B3GALT1: variants seen among roughly 807,000 people sequenced by gnomAD.
B3GALT1 encodes UDP-Gal:betaGlcNAc beta 1,3-galactosyltransferase, polypeptide 1.
B3GALT1 carries 10 observed loss-of-function variants against 23.2 expected under a neutral mutation model. That is an observed-to-expected ratio of 0.43 (90% CI 0.27 to 0.73). B3GALT1 has a LOEUF of 0.73. Ranked by LOEUF, B3GALT1 falls within the 30% of genes least tolerant of loss-of-function variation. B3GALT1 has a pLI of 0.21. For synonymous variants in B3GALT1, 156 were observed against 141.5 expected, an observed-to-expected ratio of 1.10 and a Z score of -0.73; for missense variants, 299 against 405.4, an observed-to-expected ratio of 0.74 and a Z score of 2.25.
intron 2 of B3GALT1, among the ~76,000 whole-genome samples, chr2:167,505,332 G>A (rs1559116379): frequency 6.6e-6 from 1 of 152,074 alleles, no homozygotes; most frequent in Non-Finnish European, 1.5e-5. Flanking sequence ...AAAAGGGGAG[G>A]AACAAAAGAA....
chr2:167,642,715 A>G (rs1471971415), intron 2 of B3GALT1, among the ~76,000 whole-genome samples: 1 of 152,042 alleles, frequency 6.6e-6, no homozygotes, highest in African/African-American at 2.4e-5. Context: ...TTCTTCTCAT[A>G]TATTATATAT....
At chr2:167,563,794 TC>T (rs1684079055) in intron 2 of B3GALT1, among the ~76,000 whole-genome samples, 3 of 95,748 alleles carry the variant, frequency 3.1e-5, no homozygotes, top group Admixed American at 9.6e-5. Flanking sequence ...CCCCCCCACC[TC>T]CCCCCCGGAG....
At chr2:167,663,404 A>G (rs970889024) in intron 3 of B3GALT1, among the ~76,000 whole-genome samples, 1 of 151,854 alleles carries the variant, frequency 6.6e-6, no homozygotes, top group African/African-American at 2.4e-5. Context: ...TATTGTGAAT[A>G]ATGCCGCAAT....
intron 2 of B3GALT1, among the ~76,000 whole-genome samples, chr2:167,624,949 C>T (rs2105442302): frequency 6.6e-6 from 1 of 152,042 alleles, no homozygotes; most frequent in African/African-American, 2.4e-5. Flanking sequence ...AGTGATTTTT[C>T]TATCAGCCTA....
At chr2:167,724,387 A>G (rs1434342136) in intron 3 of B3GALT1, among the ~76,000 whole-genome samples, 1 of 152,204 alleles carries the variant, frequency 6.6e-6, no homozygotes, top group African/African-American at 2.4e-5. Flanking sequence ...CTTAACATCT[A>G]CAAACTCGGA....
chr2:167,793,242 C>T (rs564359993), intron 3 of B3GALT1, among the ~76,000 whole-genome samples: 4 of 152,186 alleles, frequency 2.6e-5, no homozygotes, highest in African/African-American at 7.2e-5. Context: ...AAGGGAGCAT[C>T]GTGCACCTAG....
intron 3 of B3GALT1, among the ~76,000 whole-genome samples, chr2:167,751,227 C>G (rs1687730080): frequency 6.6e-6 from 1 of 152,142 alleles, no homozygotes; most frequent in African/African-American, 2.4e-5. Context: ...ACAAATTTTC[C>G]TGACACATAA....
At chr2:167,444,620 T>C (rs1316074215) in intron 1 of B3GALT1, among the ~76,000 whole-genome samples, 1 of 152,248 alleles carries the variant, frequency 6.6e-6, no homozygotes, top group African/African-American at 2.4e-5. Context: ...CAGGAATTTA[T>C]GCATTTCTTC....
intron 2 of B3GALT1, among the ~76,000 whole-genome samples, chr2:167,593,467 A>C (rs1684719222): frequency 6.6e-6 from 1 of 152,224 alleles, no homozygotes; most frequent in Non-Finnish European, 1.5e-5. Context: ...TAAAAGTCTA[A>C]AATTATATCC....
intron 3 of B3GALT1, among the ~76,000 whole-genome samples, chr2:167,778,696 A>G (rs1324080125): frequency 3.3e-5 from 5 of 152,226 alleles, no homozygotes; most frequent in Admixed American, 3.3e-4. Context: ...AACAAACAGA[A>G]TCTTATGTTT....
chr2:167,320,900 C>T lies in B3GALT1; in HGVS notation c.-511+27566C>T, dbSNP rs926346963. ...TTCTAAGTTTAAACCTATTAATCAC[C>T]GTGAAAACAGCATCCCTCCCCTCAA... is the stretch of plus-strand genomic sequence containing the variant. On this transcript the variant is annotated intron_variant, in intron 1 of 4. Coordinates refer to ENST00000392690, the MANE Select transcript of B3GALT1 (RefSeq NM_020981.4). Among the ~76,000 whole-genome samples, 18 of 151,292 alleles carry T rather than the reference C, an allele frequency of 1.2e-4. No individual in the cohort carries two copies. The East Asian group carries it at 1.7e-3, about 15-fold the overall frequency.
At chr2:167,764,700 G>A (rs1319663689) in intron 3 of B3GALT1, among the ~76,000 whole-genome samples, 1 of 152,102 alleles carries the variant, frequency 6.6e-6, no homozygotes. Flanking sequence ...ATTAGCAAAA[G>A]GGCCTAAAAC....
At chr2:167,800,336 C>T (rs1688618228) in intron 3 of B3GALT1, among the ~76,000 whole-genome samples, 1 of 152,036 alleles carries the variant, frequency 6.6e-6, no homozygotes, top group African/African-American at 2.4e-5. Flanking sequence ...ATTATTTATC[C>T]CCACAATCAA....
At chr2:167,867,109 G>A (rs1239581940) in intron 4 of B3GALT1, among the ~76,000 whole-genome samples, 2 of 152,116 alleles carry the variant, frequency 1.3e-5, no homozygotes, top group African/African-American at 4.8e-5. Context: ...TGTATTTTTA[G>A]TAGAGACGGG....
chr2:167,824,958 T>C (rs1409247864), intron 4 of B3GALT1, among the ~76,000 whole-genome samples: 1 of 152,038 alleles, frequency 6.6e-6, no homozygotes, highest in Non-Finnish European at 1.5e-5. Context: ...TTAAGAGTTA[T>C]TCACATGCAG....
intron 2 of B3GALT1, among the ~76,000 whole-genome samples, chr2:167,513,028 T>C (rs1056105874): frequency 1.4e-5 from 2 of 143,334 alleles, no homozygotes; most frequent in African/African-American, 2.6e-5. Context: ...AATTGCTGTT[T>C]GACAGAATTC....
At chr2:167,479,614 A>G (rs774044332) in intron 1 of B3GALT1, among the ~76,000 whole-genome samples, 9 of 152,148 alleles carry the variant, frequency 5.9e-5, no homozygotes, top group Non-Finnish European at 1.0e-4. Flanking sequence ...TATTGGTAGC[A>G]GAAAATTCAG....
chr2:167,681,317 C>G (rs968488052), intron 3 of B3GALT1, among the ~76,000 whole-genome samples: 1 of 152,130 alleles, frequency 6.6e-6, no homozygotes, highest in Non-Finnish European at 1.5e-5. Context: ...TGCCCTATCT[C>G]TGTTTTAATG....
At chr2:167,720,347 G>A (rs997213709) in intron 3 of B3GALT1, among the ~76,000 whole-genome samples, 1 of 152,098 alleles carries the variant, frequency 6.6e-6, no homozygotes, top group Non-Finnish European at 1.5e-5. Context: ...CATCTGGGGG[G>A]AAGTTAAAAC....
Sources: gnomAD v4.1 joint callset for allele counts (sites outside exome capture counted in the v4.1 genomes callset) on GRCh38, gnomAD v4.1.1 for gene constraint, MANE v1.5 for transcripts, NCBI Gene and HGNC (gene_info 2026-07-23, HGNC 2026-07-21) for gene names.